Variants in CSMD1 observed in about 807,000 individuals in gnomAD.
CSMD1 encodes the protein CUB and sushi domain-containing protein 1.
Under a neutral mutation model 417.5 loss-of-function variants are expected in CSMD1, and 213 were observed. That is an observed-to-expected ratio of 0.51 (90% CI 0.46 to 0.57). The LOEUF is 0.57. Ranked by LOEUF, CSMD1 falls within the 20% of genes least tolerant of loss-of-function variation. The pLI is 0.00. For synonymous variants in CSMD1, 2,862 were observed against 1,736.8 expected, an observed-to-expected ratio of 1.65 and a Z score of -16.11; for missense variants, 6,923 against 4,529.7, an observed-to-expected ratio of 1.53 and a Z score of -15.17.
chr8:4,307,754 G>T (rs934774406), intron 3 of CSMD1, among the ~76,000 whole-genome samples: 2 of 152,166 alleles, frequency 1.3e-5, no homozygotes, highest in African/African-American at 4.8e-5. Context: ...CAACCAGAGA[G>T]TTTATCAAGG....
chr8:4,384,862 C>T (rs1412197870), intron 3 of CSMD1, among the ~76,000 whole-genome samples: 3 of 151,070 alleles, frequency 2.0e-5, no homozygotes, highest in Non-Finnish European at 4.5e-5. Flanking sequence ...TTGATCTTAA[C>T]AAATACAACT....
At position 2,946,212 on chromosome 8, in the gene CSMD1, A is replaced by G. The variant is rs150453578; in HGVS notation, c.10402+3087T>C. ...CTGGTGCATATGCGATCTTTTGTTG[A>G]CCAAAATGTCATTATGCGATGCGTG... is the stretch of plus-strand genomic sequence containing the variant. On this transcript the variant is annotated intron_variant, in intron 68 of 69. Coordinates refer to ENST00000635120, the MANE Select transcript of CSMD1 (RefSeq NM_033225.6). Among the ~76,000 whole-genome samples the G allele has an allele frequency of 4.9e-4, 75 of 152,206 alleles. 1 individual carries two copies. The highest frequency in any genetic ancestry group is 2.6e-3 in the Admixed American group (39 of 15,280).
intron 9 of CSMD1, among the ~76,000 whole-genome samples, chr8:3,579,940 C>T (rs920407828): frequency 9.9e-5 from 15 of 151,860 alleles, no homozygotes; most frequent in East Asian, 3.9e-4. Flanking sequence ...CCTGTCTCTA[C>T]GAAACATACA....
intron 3 of CSMD1, among the ~76,000 whole-genome samples, chr8:4,162,697 C>A (rs971463987): frequency 1.3e-5 from 2 of 152,176 alleles, no homozygotes; most frequent in African/African-American, 4.8e-5. Flanking sequence ...CTATCAACAT[C>A]CCACGCCAGA....
intron 1 of CSMD1, among the ~76,000 whole-genome samples, chr8:4,799,069 T>C (rs1798137472): frequency 6.6e-6 from 1 of 152,156 alleles, no homozygotes; most frequent in Non-Finnish European, 1.5e-5. Flanking sequence ...GGTCAGGGCT[T>C]GCATTGGCCG....
chr8:3,915,811 G>C (rs1584958102), intron 5 of CSMD1, among the ~76,000 whole-genome samples: 1 of 145,710 alleles, frequency 6.9e-6, no homozygotes, highest in Non-Finnish European at 1.5e-5. Context: ...CCTTTATCTA[G>C]TATGCATTTT....
At chr8:3,178,629 G>A (rs935213667) in intron 37 of CSMD1, among the ~76,000 whole-genome samples, 23 of 152,122 alleles carry the variant, frequency 1.5e-4, no homozygotes, top group African/African-American at 5.1e-4. Context: ...TTCTTCAGTT[G>A]GAAGAAATGA....
intron 2 of CSMD1, among the ~76,000 whole-genome samples, chr8:4,484,700 T>C (rs1050549267): frequency 2.0e-5 from 3 of 152,034 alleles, no homozygotes; most frequent in Non-Finnish European, 4.4e-5. Flanking sequence ...CCGGGCACGA[T>C]GGCTCACGCC....
chr8:3,168,047 A>G (rs1331776436), intron 37 of CSMD1, among the ~76,000 whole-genome samples: 1 of 138,500 alleles, frequency 7.2e-6, no homozygotes, highest in Non-Finnish European at 1.5e-5. Context: ...TTCAAACATC[A>G]CAATTAGAAA....
At chr8:3,468,865 C>G (rs971744751) in intron 11 of CSMD1, 41 bp from the exon 12 acceptor site, 17 of 1,337,682 alleles carry the variant, frequency 1.3e-5, no homozygotes, top group Non-Finnish European at 1.6e-5. Flanking sequence ...GGTAAGGCAA[C>G]AAGTACATCG....
chr8:3,757,641 T>A (rs1797733238), intron 5 of CSMD1, among the ~76,000 whole-genome samples: 1 of 151,970 alleles, frequency 6.6e-6, no homozygotes, highest in South Asian at 2.1e-4. Flanking sequence ...GGTGGGTGGA[T>A]CACCTGAGGT....
chr8:4,119,624 C>T (rs188219667), intron 3 of CSMD1, among the ~76,000 whole-genome samples: 5 of 152,170 alleles, frequency 3.3e-5, no homozygotes, highest in East Asian at 1.9e-4. Flanking sequence ...TCTGCTCTGT[C>T]TGTGCTCTGT....
intron 3 of CSMD1, among the ~76,000 whole-genome samples, chr8:4,235,522 C>T (rs1298522441): frequency 4.6e-5 from 7 of 152,080 alleles, no homozygotes; most frequent in Non-Finnish European, 5.9e-5. Flanking sequence ...AGTAATGGTA[C>T]ATACATGAAT....
At chr8:4,153,155 T>C (rs1002699500) in intron 3 of CSMD1, among the ~76,000 whole-genome samples, 5 of 152,206 alleles carry the variant, frequency 3.3e-5, no homozygotes, top group Admixed American at 3.3e-4. Context: ...TTGACTGTGG[T>C]GACCATGCCA....
At chr8:3,637,927 T>C (rs1424935878) in intron 7 of CSMD1, among the ~76,000 whole-genome samples, 2 of 152,222 alleles carry the variant, frequency 1.3e-5, no homozygotes, top group Admixed American at 6.5e-5. Context: ...ATTGCCGCCA[T>C]GTAAGACATG....
At chr8:3,114,802 A>G (rs978082745) in intron 42 of CSMD1, among the ~76,000 whole-genome samples, 28 of 152,302 alleles carry the variant, frequency 1.8e-4, no homozygotes, top group African/African-American at 6.7e-4. Flanking sequence ...TATGTATGTA[A>G]TAATACATTG....
chr8:4,744,001 C>T (rs28677882), intron 1 of CSMD1, among the ~76,000 whole-genome samples: 4 of 152,114 alleles, frequency 2.6e-5, no homozygotes, highest in Non-Finnish European at 5.9e-5. Flanking sequence ...GTTAAAGTCA[C>T]GCTCTAGAGC....
At position 4,027,946 on chromosome 8, in the gene CSMD1, A is replaced by T. The variant is rs112050067; in HGVS notation, c.610+3959T>A. 3.0e-3 allele frequency among the ~76,000 whole-genome samples: 459 copies of T among 152,344 alleles called. 3 individuals are homozygous for T. Among genetic ancestry groups the T allele is most frequent in the African/African-American group, 0.011 (438 of 41,586 alleles). ...GGAAATAATGGTAGAAATAAGGAAG[A>T]AGAAAGAATATATTTAGGATGCCCA... On this transcript the variant is annotated intron_variant, in intron 4 of 69. Coordinates refer to ENST00000635120, the MANE Select transcript of CSMD1 (RefSeq NM_033225.6).
intron 1 of CSMD1, among the ~76,000 whole-genome samples, chr8:4,811,619 T>C (rs1010412498): frequency 6.6e-6 from 1 of 152,142 alleles, no homozygotes; most frequent in African/African-American, 2.4e-5. Context: ...ACACATTCAC[T>C]TCAAAATTTT....
Sources: gnomAD v4.1 joint callset for allele counts (sites outside exome capture counted in the v4.1 genomes callset) on GRCh38, gnomAD v4.1.1 for gene constraint, MANE v1.5 for transcripts, NCBI Gene and HGNC (gene_info 2026-07-23, HGNC 2026-07-21) for gene names.